Variants in ARMC8 observed in about 807,000 individuals in gnomAD.
The protein encoded by ARMC8 is armadillo repeat-containing protein 8.
A neutral mutation model predicts 99.3 loss-of-function variants in ARMC8; 20 were observed. The observed-to-expected ratio is 0.20, with a 90% CI of 0.14 to 0.29. The LOEUF (loss-of-function observed/expected upper bound fraction) is 0.29, where lower values mean the gene tolerates loss of function less well. ARMC8 is among the 10% of genes least tolerant of loss of function. ARMC8 has a pLI of 1.00. For synonymous variants in ARMC8, 263 were observed against 278.3 expected (o/e 0.95, Z 0.55); for missense variants, 569 against 809.5 (o/e 0.70, Z 3.60).
At chr3:138,274,588 C>A in intron 18 of ARMC8, 44 bp downstream of exon 18, 1 of 1,448,134 alleles carries the variant, frequency 6.9e-7, no homozygotes, top group Non-Finnish European at 9.7e-7. Context: ...TGAATGTGAG[C>A]ACAAAGGAAG....
chr3:138,236,470 A>G (rs1336896730), intron 7 of ARMC8, among the ~76,000 whole-genome samples: 1 of 152,162 alleles, frequency 6.6e-6, no homozygotes, highest in Non-Finnish European at 1.5e-5. Flanking sequence ...TGAAAAACCT[A>G]CAGGTTGTGG....
intron 10 of ARMC8, among the ~76,000 whole-genome samples, chr3:138,240,517 C>T (rs2046560162): frequency 6.6e-6 from 1 of 152,070 alleles, no homozygotes; most frequent in African/African-American, 2.4e-5. Context: ...ACATAGTAGT[C>T]ATGAGCATTA....
chr3:138,233,318 C>G (rs948551524), intron 6 of ARMC8, among the ~76,000 whole-genome samples: 10 of 152,200 alleles, frequency 6.6e-5, no homozygotes, highest in Non-Finnish European at 1.3e-4. Flanking sequence ...TTGCACCATT[C>G]TGGATGGATA....
At chr3:138,200,058 A>G (rs1289200099) in intron 1 of ARMC8, among the ~76,000 whole-genome samples, 1 of 152,190 alleles carries the variant, frequency 6.6e-6, no homozygotes, top group Non-Finnish European at 1.5e-5. Context: ...TGCTTATAAT[A>G]GATATTTTGT....
rs1050900945 is a variant in ARMC8 at position 138,245,892 on chromosome 3, T to G, written c.1134+709T>G. 4.1e-6 allele frequency: 4 copies of G among 985,354 alleles called. No homozygotes were observed. The African/African-American group carries it at 5.2e-5, about 13-fold the overall frequency. The allele number at this position is 985,354 out of a possible 1,614,324, so 61.0% of individuals were successfully genotyped here. A position where few individuals can be genotyped will look rare whatever the true frequency, so the allele number is the denominator to read the frequency against. Reference sequence around the variant, plus strand: ...AGCTGGAACTTACCACTCAAAAACATGTATAACCTAATAAATTCTACACAA... The same window carrying G: ...AGCTGGAACTTACCACTCAAAAACAGGTATAACCTAATAAATTCTACACAA... On this transcript the variant is annotated intron_variant, in intron 12 of 21. Coordinates refer to ENST00000469044, the MANE Select transcript of ARMC8 (RefSeq NM_001363941.2).
chr3:138,272,624 C>A (rs551742118), intron 16 of ARMC8, among the ~76,000 whole-genome samples: 96 of 152,354 alleles, frequency 6.3e-4, no homozygotes, highest in African/African-American at 2.3e-3. Flanking sequence ...CACCTGTAAT[C>A]TCAGCACTTT....
rs183700822 is a variant in ARMC8, at chr3:138,227,966, T to G, written c.436-952T>G. On this transcript the variant is annotated intron_variant, in intron 5 of 21. Transcript: ENST00000469044. ...TTTCAACTTTTAACTCCTTCTGCTT[T>G]CTTTTGTTGTTTGTTTTTGTTTTTG... 3.3e-5 allele frequency among the ~76,000 whole-genome samples: 5 copies of G among 152,304 alleles called. No homozygotes were observed. The East Asian group carries it at 9.6e-4, about 29-fold the overall frequency.
At chr3:138,269,981 G>A (rs1376214003) in intron 15 of ARMC8, 59 bp from the exon 16 acceptor site, 1 of 1,208,494 alleles carries the variant, frequency 8.3e-7, no homozygotes, top group East Asian at 2.3e-5. Context: ...GTATATGCAT[G>A]TTTAGTTTGC....
At chr3:138,264,970 T>A (rs943923951) in intron 14 of ARMC8, among the ~76,000 whole-genome samples, 1 of 151,718 alleles carries the variant, frequency 6.6e-6, no homozygotes, top group Non-Finnish European at 1.5e-5. Context: ...CAGTCATGGC[T>A]CACTGCAGCC....
chr3:138,217,367 TTGAC>T (rs989737192), intron 2 of ARMC8, among the ~76,000 whole-genome samples: 1 of 152,154 alleles, frequency 6.6e-6, no homozygotes, highest in Non-Finnish European at 1.5e-5. Context: ...TCATACTTGA[TTGAC>T]TGAAATGGTT....
intron 18 of ARMC8, among the ~76,000 whole-genome samples, chr3:138,283,613 T>C (rs2050138050): frequency 6.6e-6 from 1 of 152,216 alleles, no homozygotes; most frequent in African/African-American, 2.4e-5. Flanking sequence ...GTTTGTTGAA[T>C]TGCTAAGCTT....
chr3:138,218,994 G>A (rs1316069911), intron 2 of ARMC8, among the ~76,000 whole-genome samples: 1 of 152,050 alleles, frequency 6.6e-6, no homozygotes. Context: ...CCATTGGTTC[G>A]TTGTCAATGT....
In ARMC8 at chr3:138,221,757, C is replaced by T. The variant is rs572575575; in HGVS notation, c.123-169C>T. ...TCTACAATACGCCGTTTTACAGCCCCCACATTCACTCTGCACCTATCTCTA... is the reference window on the plus strand; with the variant it reads ...TCTACAATACGCCGTTTTACAGCCCTCACATTCACTCTGCACCTATCTCTA... On this transcript the variant is annotated intron_variant, in intron 2 of 21. Transcript: ENST00000469044. 2.0e-5 allele frequency among the ~76,000 whole-genome samples: 3 copies of T among 152,234 alleles called. No individual in the cohort carries two copies. The East Asian group carries it at 5.8e-4, about 29-fold the overall frequency.
intron 2 of ARMC8, among the ~76,000 whole-genome samples, chr3:138,212,441 C>T (rs2044752502): frequency 6.6e-6 from 1 of 151,618 alleles, no homozygotes; most frequent in African/African-American, 2.4e-5. Context: ...TCCCGAGTAG[C>T]AGGGATTACA....
chr3:138,216,671 T>G (rs559789449), intron 2 of ARMC8, among the ~76,000 whole-genome samples: 3 of 152,212 alleles, frequency 2.0e-5, no homozygotes, highest in African/African-American at 7.2e-5. Flanking sequence ...CCCACAGATA[T>G]GTGTTTTTTT....
intron 1 of ARMC8, among the ~76,000 whole-genome samples, chr3:138,207,472 T>C (rs1471926964): frequency 1.3e-5 from 2 of 152,186 alleles, no homozygotes; most frequent in Non-Finnish European, 2.9e-5. Context: ...GGGAAACTTA[T>C]GTTAAGATAC....
chr3:138,190,020 G>A (rs1455202728), intron 1 of ARMC8, among the ~76,000 whole-genome samples: 1 of 151,942 alleles, frequency 6.6e-6, no homozygotes, highest in South Asian at 2.1e-4. Flanking sequence ...TTTATTCTTA[G>A]TGTTTCTTAT....
Position 138,223,713 on chromosome 3 carries a change from C to T in ARMC8, c.415C>T (p.Pro139Ser). ...TACCATCTTCACCAGTCCTGTCACT[C>T]CAGAGGAGCTACTGTATACAGTGAG... ...LRTIFTSPVT[P>S]EELLYTDATV... The change falls in exon 5 of 22, where the codon CCA becomes TCA. Residue 139 changes from proline to serine, a missense_variant. Coordinates refer to ENST00000469044, the MANE Select transcript of ARMC8 (RefSeq NM_001363941.2). 2.5e-6 allele frequency: 4 copies of T among 1,613,972 alleles called. No homozygotes were observed. Among genetic ancestry groups the T allele is most frequent in the Non-Finnish European group, 3.4e-6 (4 of 1,179,874 alleles).
intron 2 of ARMC8, among the ~76,000 whole-genome samples, chr3:138,213,056 C>T (rs541154235): frequency 4.3e-4 from 66 of 152,208 alleles, no homozygotes; most frequent in African/African-American, 1.3e-3. Flanking sequence ...ATTGCTGGAG[C>T]CTAGGAGTTC....
Sources: gnomAD v4.1 joint callset for allele counts (sites outside exome capture counted in the v4.1 genomes callset) on GRCh38, gnomAD v4.1.1 for gene constraint, MANE v1.5 for transcripts, NCBI Gene and HGNC (gene_info 2026-07-23, HGNC 2026-07-21) for gene names.